ALDH1L1: variants seen among roughly 807,000 people sequenced by gnomAD.
ALDH1L1 encodes aldehyde dehydrogenase 1 family member L1.
ALDH1L1 carries 68 observed loss-of-function variants against 101.1 expected under a neutral mutation model. That is an observed-to-expected ratio of 0.67 (90% CI 0.55 to 0.82). ALDH1L1 has a LOEUF of 0.82. Ranked by LOEUF, ALDH1L1 falls within the 40% of genes least tolerant of loss-of-function variation. ALDH1L1 has a pLI of 0.00. For synonymous variants in ALDH1L1, 486 were observed against 470.8 expected (o/e 1.03, Z -0.42); for missense variants, 1,087 against 1,172.7 (o/e 0.93, Z 1.07).
At chr3:126,168,076 ATG>A (rs1284641281) in intron 1 of ALDH1L1, among the ~76,000 whole-genome samples, 1 of 152,200 alleles carries the variant, frequency 6.6e-6, no homozygotes, top group African/African-American at 2.4e-5. Flanking sequence ...AGGCATAAAA[ATG>A]TACATTTTGC....
chr3:126,156,523 A>T (rs1183088082), intron 4 of ALDH1L1: 1 of 152,266 alleles, frequency 6.6e-6, no homozygotes, highest in African/African-American at 2.4e-5. Context: ...CCTGGACAGC[A>T]CCTCTGCCTG....
At chr3:126,161,081 T>C in intron 1 of ALDH1L1, 79 bp from the exon 2 acceptor site, 1 of 1,510,854 alleles carries the variant, frequency 6.6e-7, no homozygotes. Flanking sequence ...ACAGGGCAGT[T>C]CATGGCACCT....
intron 11 of ALDH1L1, among the ~76,000 whole-genome samples, 155 bp downstream of exon 11, chr3:126,136,609 G>T (rs921256247): frequency 2.6e-5 from 4 of 152,056 alleles, no homozygotes; most frequent in African/African-American, 9.7e-5. Context: ...AGTAAGGTGG[G>T]CTGGAAACGA....
At chr3:126,178,484 A>C (rs1042708000) in intron 1 of ALDH1L1, among the ~76,000 whole-genome samples, 4 of 151,986 alleles carry the variant, frequency 2.6e-5, no homozygotes, top group Admixed American at 6.6e-5. Flanking sequence ...GGAACTCTGC[A>C]CTCCGTCCTC....
At chr3:126,157,318 G>A (rs1012088793) in intron 4 of ALDH1L1, 25 bp downstream of exon 4, 35 of 1,598,308 alleles carry the variant, frequency 2.2e-5, no homozygotes, top group Non-Finnish European at 2.9e-5. Flanking sequence ...GGGCGGGCAG[G>A]GCGCGGCCGG....
At chr3:126,177,869 G>T (rs2081391497) in intron 1 of ALDH1L1, among the ~76,000 whole-genome samples, 1 of 151,326 alleles carries the variant, frequency 6.6e-6, no homozygotes, top group Non-Finnish European at 1.5e-5. Flanking sequence ...GTAAAACCCT[G>T]TCTCTACTAT....
chr3:126,177,140 G>T (rs751486494), intron 1 of ALDH1L1, among the ~76,000 whole-genome samples: 17 of 152,290 alleles, frequency 1.1e-4, no homozygotes, highest in Non-Finnish European at 1.5e-4. Flanking sequence ...ATGGAAAAAG[G>T]TTTGGTAGTT....
chr3:126,157,952 C>T (rs1233458669), intron 3 of ALDH1L1, among the ~76,000 whole-genome samples: 1 of 152,114 alleles, frequency 6.6e-6, no homozygotes, highest in East Asian at 1.9e-4. Flanking sequence ...CCTCAGAGTA[C>T]CTTGTGGAGG....
At chr3:126,163,630 G>A (rs1388620585) in intron 1 of ALDH1L1, among the ~76,000 whole-genome samples, 9 of 152,206 alleles carry the variant, frequency 5.9e-5, no homozygotes, top group Admixed American at 3.9e-4. Context: ...TGCCAATCAT[G>A]ACAAGGAGTT....
chr3:126,146,543 TATGAACTCAGTA>T (rs2080686326), intron 9 of ALDH1L1, among the ~76,000 whole-genome samples: 1 of 152,200 alleles, frequency 6.6e-6, no homozygotes, highest in South Asian at 2.1e-4. Context: ...TAATTCTCCC[TATGAACTCAGTA>T]CTGTTCTTCT....
chr3:126,121,203 C>A (rs946150725), intron 16 of ALDH1L1, among the ~76,000 whole-genome samples: 6 of 152,132 alleles, frequency 3.9e-5, no homozygotes, highest in Non-Finnish European at 7.4e-5. Context: ...TTCCCTAGAA[C>A]CTTTTAGACG....
chr3:126,146,940 C>T lies in ALDH1L1; in HGVS notation c.985-14G>A, dbSNP rs2080702560. On this transcript the variant is annotated splice_polypyrimidine_tract_variant and intron_variant, in intron 8 of 22. Coordinates refer to ENST00000393434, the MANE Select transcript of ALDH1L1 (RefSeq NM_012190.4). ...CTGCCAAACACTCTGCAAAGCAAGA[C>T]CTGATGAGAGGCTGGCCCCAGGGGA... The T allele has an allele frequency of 1.9e-6, 3 of 1,612,022 alleles. No individual in the cohort carries two copies. Among genetic ancestry groups the T allele is most frequent in the African/African-American group, 2.7e-5 (2 of 74,892 alleles).
upstream of ALDH1L1, among the ~76,000 whole-genome samples, chr3:126,184,104 A>G (rs749893149): frequency 6.6e-6 from 1 of 152,194 alleles, no homozygotes; most frequent in Non-Finnish European, 1.5e-5. Flanking sequence ...TGATTTCCGA[A>G]TCCATCCTTT....
intron 17 of ALDH1L1, 46 bp downstream of exon 17, chr3:126,117,959 C>T (rs745801633): frequency 9.8e-6 from 15 of 1,534,618 alleles, no homozygotes; most frequent in Middle Eastern, 1.7e-4. Flanking sequence ...ATGTCCCAGG[C>T]GCAGCCCACA....
At chr3:126,131,350 A>G (rs3816366) in intron 13 of ALDH1L1, 34 bp downstream of exon 13, 971,657 of 1,547,432 alleles carry the variant, frequency 0.63, 308,073 homozygotes, top group Middle Eastern at 0.68. Context: ...GCCAGTCTGC[A>G]TGTGCTCACA....
chr3:126,176,054 A>G (rs541867000), intron 1 of ALDH1L1, among the ~76,000 whole-genome samples: 7 of 152,340 alleles, frequency 4.6e-5, no homozygotes, highest in African/African-American at 1.7e-4. Context: ...CTAGCAATAA[A>G]CAATTGAAAT....
intron 8 of ALDH1L1, among the ~76,000 whole-genome samples, chr3:126,147,880 C>T (rs550805054): frequency 1.2e-4 from 19 of 152,286 alleles, no homozygotes; most frequent in African/African-American, 4.1e-4. Flanking sequence ...GCACTGTCTG[C>T]CACACACCTG....
intron 19 of ALDH1L1, among the ~76,000 whole-genome samples, chr3:126,112,170 G>A (rs1235676101): frequency 1.3e-5 from 2 of 152,236 alleles, no homozygotes; most frequent in Non-Finnish European, 2.9e-5. Context: ...TCTTCCAGGT[G>A]TGGCTGAGTG....
At chr3:126,180,788 A>G (rs2081462961), upstream of ALDH1L1, 1 of 1,490,186 alleles carries the variant, frequency 6.7e-7, no homozygotes, top group Non-Finnish European at 8.9e-7. Flanking sequence ...CGCTTAGGTC[A>G]AGAAGACTTA....
Sources: gnomAD v4.1 joint callset for allele counts (sites outside exome capture counted in the v4.1 genomes callset) on GRCh38, gnomAD v4.1.1 for gene constraint, MANE v1.5 for transcripts, NCBI Gene and HGNC (gene_info 2026-07-23, HGNC 2026-07-21) for gene names.